GAS7: variants seen among roughly 807,000 people sequenced by gnomAD.
GAS7 encodes growth arrest specific 7.
GAS7 carries 28 observed loss-of-function variants against 71.1 expected under a neutral mutation model. The ratio of observed to expected loss-of-function variants is 0.39; its 90% confidence interval spans 0.29 to 0.54. GAS7 has a LOEUF of 0.54. Among genes scored for constraint, GAS7 ranks in the 20% least tolerant of loss-of-function variants. The pLI is 0.62. For missense variants in GAS7, 436 were observed against 627.8 expected (o/e 0.69, Z 3.27); for synonymous variants, 258 against 245.8 (o/e 1.05, Z -0.46).
At chr17:10,135,494 A>G (rs1231600546) in intron 1 of GAS7, among the ~76,000 whole-genome samples, 1 of 152,158 alleles carries the variant, frequency 6.6e-6, no homozygotes, top group Non-Finnish European at 1.5e-5. Context: ...CGCCCGAGAG[A>G]TTTCTCTTCG....
intron 6 of GAS7, among the ~76,000 whole-genome samples, chr17:9,946,061 G>GT (rs1054917589): frequency 4.6e-5 from 7 of 152,154 alleles, no homozygotes; most frequent in East Asian, 3.9e-4. Flanking sequence ...TTGGACACTT[G>GT]TTTTTTTGAA....
chr17:10,198,403 C>A lies in GAS7; in HGVS notation c.-13G>T. The A allele has an allele frequency of 1.3e-6, 2 of 1,563,786 alleles. No homozygotes were observed. Among genetic ancestry groups the A allele is most frequent in the South Asian group, 1.1e-5 (1 of 87,232 alleles). On this transcript the variant is annotated 5_prime_UTR_variant, in exon 1 of 14. Transcript: ENST00000432992. ...GAGCGCCGGACATGGCCTTGGCGCC[C>A]GGGTTCACAGCGCAGCCTGCATTCC... is the stretch of plus-strand genomic sequence containing the variant.
rs142134342 is a variant in GAS7, at chr17:10,165,287, T to C, written c.183+32921A>G. ...AGCCTGTGCGACAGAGCGAGATTCC[T>C]TCTCAAAAAAAAAAAAAAAAAAAAG... On this transcript the variant is annotated intron_variant, in intron 1 of 13. Coordinates refer to ENST00000432992, the MANE Select transcript of GAS7 (RefSeq NM_201433.2). Among the ~76,000 whole-genome samples, 476 of 127,068 alleles carry C rather than the reference T, an allele frequency of 3.7e-3. 4 individuals are homozygous for C. Among genetic ancestry groups the C allele is most frequent in the Non-Finnish European group, 2.9e-3 (181 of 61,664 alleles). The allele number at this position is 127,068 out of a possible 152,430, so 83.4% of individuals were successfully genotyped here. A position where few individuals can be genotyped will look rare whatever the true frequency, so the allele number is the denominator to read the frequency against.
rs1217073208 is a variant in GAS7 at position 10,005,112 on chromosome 17, CGTGT to C, written c.304+14661_304+14664del. Among the ~76,000 whole-genome samples the C allele has an allele frequency of 3.5e-3, 505 of 146,250 alleles. 11 individuals carry two copies. The East Asian group carries it at 0.058, about 17-fold the overall frequency. The stretch of plus-strand genomic sequence containing the variant: ...GTGCACGCATACATGCATGTGTGTG[CGTGT>C]GCACGCATACCAGCATGTGTGCGCG... On this transcript the variant is annotated intron_variant, in intron 2 of 13. Coordinates refer to ENST00000432992, the MANE Select transcript of GAS7 (RefSeq NM_201433.2).
chr17:10,177,316 A>T (rs1360735005), intron 1 of GAS7, among the ~76,000 whole-genome samples: 1 of 152,140 alleles, frequency 6.6e-6, no homozygotes, highest in Admixed American at 6.5e-5. Context: ...CCCGCTCCCC[A>T]GGAGAGGGAA....
intron 1 of GAS7, among the ~76,000 whole-genome samples, chr17:10,055,416 G>A (rs551335462): frequency 2.0e-4 from 30 of 152,290 alleles, no homozygotes; most frequent in African/African-American, 4.8e-4. Flanking sequence ...GCTGTCCCCT[G>A]GCGGACCTCA....
At chr17:10,161,660 C>T (rs1446209880) in intron 1 of GAS7, among the ~76,000 whole-genome samples, 1 of 152,198 alleles carries the variant, frequency 6.6e-6, no homozygotes, top group African/African-American at 2.4e-5. Flanking sequence ...TCCACTCAGT[C>T]ATTAACTATT....
At chr17:9,961,338 A>G (rs1250336559) in intron 4 of GAS7, among the ~76,000 whole-genome samples, 1 of 152,202 alleles carries the variant, frequency 6.6e-6, no homozygotes, top group African/African-American at 2.4e-5. Context: ...CCAGTCACCA[A>G]GGAGAAGAGA....
At chr17:10,072,806 G>GC in intron 1 of GAS7, among the ~76,000 whole-genome samples, 1 of 152,080 alleles carries the variant, frequency 6.6e-6, no homozygotes, top group Non-Finnish European at 1.5e-5. Flanking sequence ...AGTCTGTCTG[G>GC]CCCCAGGATT....
intron 3 of GAS7, among the ~76,000 whole-genome samples, chr17:9,972,072 C>T (rs2152121489): frequency 6.6e-6 from 1 of 152,320 alleles, no homozygotes; most frequent in South Asian, 2.1e-4. Flanking sequence ...TGGTTGCACA[C>T]ATCCCAAGGA....
At chr17:10,002,433 T>C (rs1456894464) in intron 2 of GAS7, among the ~76,000 whole-genome samples, 3 of 152,136 alleles carry the variant, frequency 2.0e-5, no homozygotes, top group Non-Finnish European at 4.4e-5. Context: ...AATTATACTT[T>C]AAGTTCTAGG....
At chr17:10,180,253 A>T (rs2142141435) in intron 1 of GAS7, among the ~76,000 whole-genome samples, 1 of 150,154 alleles carries the variant, frequency 6.7e-6, no homozygotes, top group South Asian at 2.1e-4. Context: ...AGACAGGAGA[A>T]TCGCTTGAAC....
chr17:10,128,919 G>C (rs1287752298), intron 1 of GAS7, among the ~76,000 whole-genome samples: 1 of 152,032 alleles, frequency 6.6e-6, no homozygotes, highest in Non-Finnish European at 1.5e-5. Flanking sequence ...CACTGCACCC[G>C]GCCTGCTTTT....
chr17:9,945,903 G>T (rs1378132032), intron 6 of GAS7, among the ~76,000 whole-genome samples: 1 of 152,164 alleles, frequency 6.6e-6, no homozygotes, highest in Non-Finnish European at 1.5e-5. Context: ...AGAGTCGCTT[G>T]AACCTGGGAG....
At chr17:9,947,019 G>A (rs757055875) in intron 5 of GAS7, 36 bp from the exon 6 acceptor site, 2 of 1,432,770 alleles carry the variant, frequency 1.4e-6, no homozygotes, top group Admixed American at 3.4e-5. Context: ...TGACCCCGCT[G>A]GAGACTGGAA....
intron 1 of GAS7, among the ~76,000 whole-genome samples, chr17:10,137,942 AT>A (rs1483507311): frequency 3.3e-5 from 5 of 151,764 alleles, no homozygotes; most frequent in African/African-American, 9.7e-5. Context: ...AGGTCCCTTC[AT>A]TTTATACTTT....
intron 1 of GAS7, among the ~76,000 whole-genome samples, chr17:10,098,523 T>C (rs1567590538): frequency 6.6e-6 from 1 of 152,198 alleles, no homozygotes; most frequent in Non-Finnish European, 1.5e-5. Flanking sequence ...GGTCAGACCT[T>C]CTTGTCCCAG....
chr17:10,041,614 G>A (rs925202628), intron 1 of GAS7, among the ~76,000 whole-genome samples: 18 of 152,168 alleles, frequency 1.2e-4, no homozygotes, highest in African/African-American at 3.9e-4. Flanking sequence ...GAAGACTCAC[G>A]AATACATTCT....
chr17:10,068,064 C>T (rs2152245438), intron 1 of GAS7, among the ~76,000 whole-genome samples: 1 of 152,328 alleles, frequency 6.6e-6, no homozygotes, highest in East Asian at 1.9e-4. Flanking sequence ...AGAGGCTTAA[C>T]ACAAACCATA....
Sources: allele counts gnomAD v4.1 joint callset (sites outside exome capture counted in the v4.1 genomes callset), GRCh38; gene constraint gnomAD v4.1.1; transcripts MANE v1.5; gene names NCBI Gene and HGNC (gene_info 2026-07-23, HGNC 2026-07-21).